PRKCA: variants seen among roughly 807,000 people sequenced by gnomAD.
PRKCA encodes protein kinase C alpha.
A neutral mutation model predicts 87.0 loss-of-function variants in PRKCA; 27 were observed. The observed-to-expected ratio is 0.31, with a 90% CI of 0.23 to 0.43. The LOEUF is 0.43. Among genes scored for constraint, PRKCA ranks in the 20% least tolerant of loss-of-function variants. The pLI, the probability that PRKCA is intolerant of heterozygous loss-of-function variation, is 1.00. For synonymous variants in PRKCA, 329 were observed against 311.1 expected (o/e 1.06, Z -0.61); for missense variants, 518 against 852.3 (o/e 0.61, Z 4.88).
chr17:66,549,672 G>A (rs1482482976), intron 3 of PRKCA, among the ~76,000 whole-genome samples: 1 of 152,036 alleles, frequency 6.6e-6, no homozygotes, highest in Non-Finnish European at 1.5e-5. Context: ...ATTATTTAAA[G>A]TATTTGGTAG....
intron 2 of PRKCA, among the ~76,000 whole-genome samples, chr17:66,338,490 T>C (rs1906844089): frequency 6.6e-6 from 1 of 152,164 alleles, no homozygotes; most frequent in African/African-American, 2.4e-5. Flanking sequence ...TACCTTTTCA[T>C]TGTATTAATT....
chr17:66,660,942 T>C (rs1971881510), intron 5 of PRKCA, among the ~76,000 whole-genome samples: 1 of 151,706 alleles, frequency 6.6e-6, no homozygotes, highest in Non-Finnish European at 1.5e-5. Context: ...AATTAAAGGA[T>C]AAAACCAACC....
intron 2 of PRKCA, among the ~76,000 whole-genome samples, chr17:66,390,115 C>T (rs1196042394): frequency 2.0e-5 from 3 of 152,024 alleles, no homozygotes; most frequent in Admixed American, 6.5e-5. Flanking sequence ...CCCAGCTACT[C>T]GGAGGCTGAG....
At chr17:66,735,702 C>A in intron 10 of PRKCA, 40 bp downstream of exon 10, 1 of 1,591,588 alleles carries the variant, frequency 6.3e-7, no homozygotes, top group South Asian at 1.1e-5. Context: ...GTACCCAGCT[C>A]TCAGAGCTAC....
chr17:66,312,012 G>T (rs1905110885), intron 2 of PRKCA, among the ~76,000 whole-genome samples: 1 of 151,982 alleles, frequency 6.6e-6, no homozygotes, highest in African/African-American at 2.4e-5. Context: ...ATGGAGTCTC[G>T]CTCTTGTCTC....
At chr17:66,556,323 C>CTTTTTTTTTTTTTTTTT (rs61549626) in intron 3 of PRKCA, among the ~76,000 whole-genome samples, 2 of 128,994 alleles carry the variant, frequency 1.6e-5, no homozygotes, top group African/African-American at 2.9e-5. Context: ...CTTTCTTCTT[C>CTTTTTTTTTTTTTTTTT]TTTTTTTTTT....
chr17:66,421,601 C>T (rs78347687), intron 2 of PRKCA, among the ~76,000 whole-genome samples: 16,765 of 151,858 alleles, frequency 0.11, 1,212 homozygotes, highest in East Asian at 0.22. Flanking sequence ...GGCACCATCT[C>T]AGCTCACTGC....
At chr17:66,590,123 T>C (rs1038469109) in intron 3 of PRKCA, among the ~76,000 whole-genome samples, 2 of 152,092 alleles carry the variant, frequency 1.3e-5, no homozygotes, top group African/African-American at 4.8e-5. Flanking sequence ...CACTGGCAGC[T>C]GGGCAGGAGG....
At chr17:66,796,775 T>C in intron 16 of PRKCA, 1 of 985,396 alleles carries the variant, frequency 1.0e-6, no homozygotes, top group South Asian at 4.7e-5. Flanking sequence ...CAGAGAGCTG[T>C]GCAGATGGTG....
chr17:66,765,437 T>TATATATAC (rs60613928), intron 13 of PRKCA, among the ~76,000 whole-genome samples: 7 of 135,602 alleles, frequency 5.2e-5, no homozygotes, highest in African/African-American at 1.9e-4. Flanking sequence ...TATATATATA[T>TATATATAC]ATATATATAT....
At chr17:66,382,547 TGCCTCA>T (rs745841770) in intron 2 of PRKCA, among the ~76,000 whole-genome samples, 1 of 152,182 alleles carries the variant, frequency 6.6e-6, no homozygotes, top group Non-Finnish European at 1.5e-5. Context: ...GTGATTTGCC[TGCCTCA>T]GCCTCCCAAA....
At chr17:66,659,818 T>C (rs930944419) in intron 5 of PRKCA, among the ~76,000 whole-genome samples, 5 of 152,228 alleles carry the variant, frequency 3.3e-5, no homozygotes, top group African/African-American at 9.6e-5. Flanking sequence ...AGCCAAATGC[T>C]GATGTTGGGT....
intron 3 of PRKCA, among the ~76,000 whole-genome samples, chr17:66,568,255 A>C (rs986172899): frequency 6.6e-6 from 1 of 152,228 alleles, no homozygotes; most frequent in Admixed American, 6.5e-5. Context: ...CAGAGGTTGC[A>C]GTGAGCTGAG....
chr17:66,371,895 A>G (rs1439747558), intron 2 of PRKCA, among the ~76,000 whole-genome samples: 2 of 152,232 alleles, frequency 1.3e-5, no homozygotes, highest in Admixed American at 6.5e-5. Context: ...CTGGCGTATT[A>G]TAGGCGTCTC....
chr17:66,336,411 G>A (rs1337058202), intron 2 of PRKCA, among the ~76,000 whole-genome samples: 1 of 152,160 alleles, frequency 6.6e-6, no homozygotes, highest in Admixed American at 6.5e-5. Flanking sequence ...CCAAAATCTC[G>A]TTGAATGGGA....
At chr17:66,462,923 C>T (rs1409145981) in intron 2 of PRKCA, among the ~76,000 whole-genome samples, 1 of 99,836 alleles carries the variant, frequency 1.0e-5, no homozygotes, top group East Asian at 2.6e-4. Flanking sequence ...TGCACACATG[C>T]AAACACACAC....
chr17:66,314,609 A>G (rs1169929920), intron 2 of PRKCA, among the ~76,000 whole-genome samples: 1 of 152,158 alleles, frequency 6.6e-6, no homozygotes, highest in African/African-American at 2.4e-5. Flanking sequence ...TAGTAGATCC[A>G]TCTGTCCCGT....
chr17:66,313,580 G>A (rs1302610968), intron 2 of PRKCA, among the ~76,000 whole-genome samples: 1 of 152,164 alleles, frequency 6.6e-6, no homozygotes, highest in Non-Finnish European at 1.5e-5. Context: ...GGGGGAAAAT[G>A]TCTTGGGTAT....
intron 14 of PRKCA, among the ~76,000 whole-genome samples, chr17:66,781,354 G>A (rs944186005): frequency 6.6e-6 from 1 of 152,180 alleles, no homozygotes; most frequent in Non-Finnish European, 1.5e-5. Context: ...TGCTGCTCCA[G>A]CCTTTGCTGC....
Sources: gnomAD v4.1 joint callset for allele counts (sites outside exome capture counted in the v4.1 genomes callset) on GRCh38, gnomAD v4.1.1 for gene constraint, MANE v1.5 for transcripts, NCBI Gene and HGNC (gene_info 2026-07-23, HGNC 2026-07-21) for gene names.